THSD7B: variants seen among roughly 807,000 people sequenced by gnomAD.
THSD7B encodes thrombospondin type-1 domain-containing protein 7B.
THSD7B carries 138 observed loss-of-function variants against 213.6 expected under a neutral mutation model. That is an observed-to-expected ratio of 0.65 (90% CI 0.56 to 0.74). THSD7B has a LOEUF of 0.74. Among genes scored for constraint, THSD7B ranks in the 30% least tolerant of loss-of-function variants. The pLI, the probability that THSD7B is intolerant of heterozygous loss-of-function variation, is 0.00. For missense variants in THSD7B, 1,931 were observed against 1,991.5 expected (o/e 0.97, Z 0.58); for synonymous variants, 742 against 687.0 (o/e 1.08, Z -1.25).
chr2:136,831,842 T>A (rs1682761468), intron 1 of THSD7B, among the ~76,000 whole-genome samples: 1 of 152,246 alleles, frequency 6.6e-6, no homozygotes, highest in African/African-American at 2.4e-5. Flanking sequence ...AGCCCACTTA[T>A]ATAAGGCTTA....
intron 7 of THSD7B, among the ~76,000 whole-genome samples, chr2:137,178,069 CAAAAAAA>C (rs35624670): frequency 1.7e-5 from 1 of 57,514 alleles, no homozygotes; most frequent in African/African-American, 6.2e-5. Context: ...AACTCCGTCT[CAAAAAAA>C]AAAAAAAAAA....
At chr2:137,250,746 T>C (rs1003668500) in intron 10 of THSD7B, among the ~76,000 whole-genome samples, 1 of 152,126 alleles carries the variant, frequency 6.6e-6, no homozygotes, top group African/African-American at 2.4e-5. Flanking sequence ...ACTACCTGAA[T>C]AAAGATGCAG....
At chr2:137,168,713 C>T (rs1435346512) in intron 6 of THSD7B, among the ~76,000 whole-genome samples, 1 of 152,132 alleles carries the variant, frequency 6.6e-6, no homozygotes, top group Admixed American at 6.5e-5. Context: ...AGTTGTCAAA[C>T]AGTGTAAATC....
At chr2:137,313,506 A>G (rs1683981776) in intron 12 of THSD7B, among the ~76,000 whole-genome samples, 1 of 151,252 alleles carries the variant, frequency 6.6e-6, no homozygotes, top group African/African-American at 2.4e-5. Flanking sequence ...GTCCATTTAC[A>G]TTTAAAGTTA....
At chr2:137,395,034 G>A (rs1450754096) in intron 12 of THSD7B, among the ~76,000 whole-genome samples, 1 of 142,604 alleles carries the variant, frequency 7.0e-6, no homozygotes, top group Non-Finnish European at 1.6e-5. Flanking sequence ...CTTTGCTGAA[G>A]TTGCTTATCA....
chr2:136,864,369 G>T (rs1273602803), intron 1 of THSD7B, among the ~76,000 whole-genome samples: 2 of 152,064 alleles, frequency 1.3e-5, no homozygotes, highest in Non-Finnish European at 2.9e-5. Flanking sequence ...TTGAAGCTTG[G>T]AAAAGTAAGA....
At chr2:136,835,947 TA>T (rs1194049723) in intron 1 of THSD7B, among the ~76,000 whole-genome samples, 1 of 152,190 alleles carries the variant, frequency 6.6e-6, no homozygotes, top group Non-Finnish European at 1.5e-5. Flanking sequence ...GAAATTAAAC[TA>T]GTCTCATCAA....
At chr2:136,787,827 G>A (rs928531327) in intron 1 of THSD7B, among the ~76,000 whole-genome samples, 3 of 72,426 alleles carry the variant, frequency 4.1e-5, no homozygotes, top group Admixed American at 1.6e-4. Context: ...ACTTTTAAGA[G>A]CCATTGTGTA....
intron 14 of THSD7B, among the ~76,000 whole-genome samples, chr2:137,414,369 C>A (rs996161820): frequency 2.0e-5 from 3 of 151,680 alleles, no homozygotes; most frequent in East Asian, 1.9e-4. Flanking sequence ...AAAAAAAAAT[C>A]TTTTAATGGT....
chr2:137,378,146 C>A (rs74393788), intron 12 of THSD7B, among the ~76,000 whole-genome samples: 4,491 of 151,702 alleles, frequency 0.03, 228 homozygotes, highest in African/African-American at 0.1. Context: ...TTAAAAACAA[C>A]AAAAAAAAGC....
At chr2:137,320,437 C>T (rs1197634740) in intron 12 of THSD7B, among the ~76,000 whole-genome samples, 1 of 152,098 alleles carries the variant, frequency 6.6e-6, no homozygotes, top group Non-Finnish European at 1.5e-5. Flanking sequence ...ATATCATACA[C>T]CTTAGTAAGA....
chr2:137,495,945 A>G (rs1679552831), intron 15 of THSD7B, among the ~76,000 whole-genome samples: 1 of 152,082 alleles, frequency 6.6e-6, no homozygotes, highest in Non-Finnish European at 1.5e-5. Context: ...CAGAATTTTT[A>G]TTTTTCATAT....
chr2:137,437,254 C>A (rs892638086), intron 14 of THSD7B, among the ~76,000 whole-genome samples: 4 of 152,120 alleles, frequency 2.6e-5, no homozygotes, highest in Non-Finnish European at 4.4e-5. Context: ...GATTTGACAG[C>A]TTATGAAATC....
intron 15 of THSD7B, among the ~76,000 whole-genome samples, chr2:137,556,453 G>A (rs1446626257): frequency 2.0e-5 from 3 of 152,126 alleles, no homozygotes; most frequent in East Asian, 1.9e-4. Flanking sequence ...AGCTTCCTAA[G>A]TGAAGGAGAA....
At chr2:136,912,652 G>T (rs1313774987) in intron 2 of THSD7B, among the ~76,000 whole-genome samples, 11 of 152,154 alleles carry the variant, frequency 7.2e-5, no homozygotes, top group African/African-American at 2.7e-4. Context: ...ATGGGGGCCA[G>T]TTTTTCCCCT....
At position 137,498,582 on chromosome 2, in the gene THSD7B, A is replaced by G. The variant is rs1679627776; in HGVS notation, c.3138+47559A>G. Among the ~76,000 whole-genome samples, 3 of 151,844 alleles carry G rather than the reference A, an allele frequency of 2.0e-5. No individual in the cohort carries two copies. The South Asian group carries it at 6.2e-4, about 32-fold the overall frequency. ...AGGGAACCATCTTTGGATCTATTGG[A>G]TGGGGGTATTTTTTTTTTATTGTTG... On this transcript the variant is annotated intron_variant, in intron 15 of 27. Transcript: ENST00000409968.
intron 2 of THSD7B, among the ~76,000 whole-genome samples, chr2:136,904,794 G>T (rs532803256): frequency 8.6e-5 from 11 of 127,668 alleles, no homozygotes; most frequent in African/African-American, 3.3e-4. Context: ...AGAAGACAGA[G>T]AAATCTGAGA....
intron 12 of THSD7B, among the ~76,000 whole-genome samples, chr2:137,301,587 T>G (rs557022348): frequency 7.9e-5 from 12 of 151,808 alleles, no homozygotes; most frequent in African/African-American, 2.4e-4. Context: ...TATATTTCAA[T>G]GTTAATATAT....
chr2:136,815,387 A>G (rs1041117259), intron 1 of THSD7B, among the ~76,000 whole-genome samples: 4 of 152,168 alleles, frequency 2.6e-5, no homozygotes, highest in Non-Finnish European at 5.9e-5. Flanking sequence ...GAATATTTAG[A>G]TTAATAAGAT....
Sources: gnomAD v4.1 joint callset for allele counts (sites outside exome capture counted in the v4.1 genomes callset) on GRCh38, gnomAD v4.1.1 for gene constraint, MANE v1.5 for transcripts, NCBI Gene and HGNC (gene_info 2026-07-23, HGNC 2026-07-21) for gene names.